The following PHKB variants were observed in gnomAD, a reference collection of about 807,000 sequenced individuals.
The protein encoded by PHKB is phosphorylase b kinase regulatory subunit beta.
In PHKB, 122 loss-of-function variants were observed where a neutral mutation model predicts 152.1. The ratio of observed to expected loss-of-function variants is 0.80; its 90% CI spans 0.69 to 0.93. The LOEUF (loss-of-function observed/expected upper bound fraction) is 0.93, where lower values mean the gene tolerates loss of function less well. Ranked by LOEUF, PHKB falls within the 40% of genes least tolerant of loss-of-function variation. The pLI is 0.00. For missense variants in PHKB, 1,304 were observed against 1,328.4 expected (o/e 0.98, Z 0.29); for synonymous variants, 436 against 464.9 (o/e 0.94, Z 0.80).
At chr16:47,664,817 T>C (rs1973508991) in intron 24 of PHKB, 68 bp from the exon 25 acceptor site, 2 of 950,048 alleles carry the variant, frequency 2.1e-6, no homozygotes, top group South Asian at 2.7e-5. Flanking sequence ...ACTGTTATGT[T>C]TGGAAGAACT....
intron 26 of PHKB, among the ~76,000 whole-genome samples, chr16:47,673,248 A>G (rs887289386): frequency 2.6e-5 from 4 of 152,076 alleles, no homozygotes; most frequent in African/African-American, 9.7e-5. Flanking sequence ...GAGATACTCA[A>G]TAAATATTGG....
chr16:47,588,675 T>C (rs1971975602), intron 9 of PHKB, among the ~76,000 whole-genome samples: 1 of 152,234 alleles, frequency 6.6e-6, no homozygotes, highest in African/African-American at 2.4e-5. Context: ...AATTAATATT[T>C]TGACATTTGA....
At chr16:47,579,946 C>G (rs1196577009) in intron 7 of PHKB, among the ~76,000 whole-genome samples, 2 of 152,084 alleles carry the variant, frequency 1.3e-5, no homozygotes, top group African/African-American at 4.8e-5. Flanking sequence ...TGATTTCCTG[C>G]TAATTACTGC....
chr16:47,498,791 A>C (rs1180272930), intron 2 of PHKB, among the ~76,000 whole-genome samples: 2 of 152,140 alleles, frequency 1.3e-5, no homozygotes, highest in South Asian at 4.1e-4. Flanking sequence ...AGACCCAGCT[A>C]CTTGGGAGTC....
At chr16:47,492,892 A>T (rs1206878662) in intron 1 of PHKB, among the ~76,000 whole-genome samples, 1 of 152,240 alleles carries the variant, frequency 6.6e-6, no homozygotes, top group Non-Finnish European at 1.5e-5. Flanking sequence ...TTCACCTAAA[A>T]ATGGGGTCCT....
intron 4 of PHKB, among the ~76,000 whole-genome samples, chr16:47,504,285 G>A (rs1412520247): frequency 2.0e-5 from 3 of 152,244 alleles, no homozygotes; most frequent in Admixed American, 2.0e-4. Context: ...TGTCAGGGAA[G>A]TTCAATAGAA....
rs1486370110 is a variant in PHKB at position 47,660,668 on chromosome 16, T to G, written c.2045T>G (p.Phe682Cys). The G allele has an allele frequency of 1.2e-6, 2 of 1,614,086 alleles. No individual in the cohort carries two copies. Among genetic ancestry groups the G allele is most frequent in the Admixed American group, 3.3e-5 (2 of 60,018 alleles). Reference protein sequence around the residue: ...RISDTEELPEFKSFEELEPPK... With the variant: ...RISDTEELPECKSFEELEPPK... ...CTTTTAATTTTTAGGCTTCCAGAAT[T>G]TAAGAGTTTTGAGGAACTAGAACCT... is the stretch of plus-strand genomic sequence containing the variant. Residue 682 changes from phenylalanine (F) to cysteine (C), a missense_variant, in exon 22 of 31, where the codon TTT (phenylalanine) becomes TGT (cysteine). Transcript: ENST00000323584.
At chr16:47,538,112 C>G (rs529581428) in intron 6 of PHKB, among the ~76,000 whole-genome samples, 3 of 152,028 alleles carry the variant, frequency 2.0e-5, no homozygotes, top group African/African-American at 7.2e-5. Flanking sequence ...CTAGGCTGGT[C>G]TTGAACTTCT....
At chr16:47,698,738 G>A (rs1456712508) in intron 30 of PHKB, 150 bp downstream of exon 30, 30 of 679,728 alleles carry the variant, frequency 4.4e-5, no homozygotes, top group Non-Finnish European at 6.2e-5. Context: ...TGCCTTTTTC[G>A]AGGAATTAAT....
chr16:47,526,189 A>C (rs1190357949), intron 6 of PHKB, among the ~76,000 whole-genome samples: 1 of 151,908 alleles, frequency 6.6e-6, no homozygotes, highest in African/African-American at 2.4e-5. Flanking sequence ...GCGGATGGAT[A>C]TCTGAGGTCA....
intron 1 of PHKB, among the ~76,000 whole-genome samples, chr16:47,485,026 A>T (rs1970026610): frequency 6.6e-6 from 1 of 152,206 alleles, no homozygotes; most frequent in South Asian, 2.1e-4. Flanking sequence ...ATACATATAT[A>T]GTTATTGTTG....
At chr16:47,638,569 A>G (rs1972961251) in intron 14 of PHKB, among the ~76,000 whole-genome samples, 1 of 152,204 alleles carries the variant, frequency 6.6e-6, no homozygotes, top group Non-Finnish European at 1.5e-5. Flanking sequence ...TATCCACAGT[A>G]TATCATGTCC....
At chr16:47,631,484 C>CT (rs748135553) in intron 14 of PHKB, among the ~76,000 whole-genome samples, 20 of 152,124 alleles carry the variant, frequency 1.3e-4, no homozygotes, top group Non-Finnish European at 2.2e-4. Context: ...TGAGATAACT[C>CT]TTTTTTTATT....
intron 26 of PHKB, among the ~76,000 whole-genome samples, chr16:47,683,182 G>T (rs903767117): frequency 4.6e-5 from 7 of 152,204 alleles, no homozygotes; most frequent in African/African-American, 1.2e-4. Flanking sequence ...CTACTGGGGG[G>T]TGCCTCCCAG....
rs143817349 is a variant in PHKB at position 47,507,193 on chromosome 16, T to C, written c.405+4103T>C. 7.5e-3 allele frequency among the ~76,000 whole-genome samples: 1,140 copies of C among 152,320 alleles called. 19 individuals carry two copies. The highest frequency in any genetic ancestry group is 0.026 in the African/African-American group (1,080 of 41,578). On this transcript the variant is annotated intron_variant, in intron 4 of 30. Coordinates refer to ENST00000323584, the MANE Select transcript of PHKB (RefSeq NM_000293.3). ...TTCTCCATGTTTCCCCAAGCTGGTC[T>C]TGAACTCCTGGGCTCAAGCAATCCT...
At chr16:47,662,075 C>T (rs745943566) in intron 23 of PHKB, among the ~76,000 whole-genome samples, 8 of 152,144 alleles carry the variant, frequency 5.3e-5, no homozygotes, top group African/African-American at 1.4e-4. Flanking sequence ...TGACTGTTAA[C>T]GTCTGATGAA....
At chr16:47,594,634 G>A (rs780556394) in intron 12 of PHKB, among the ~76,000 whole-genome samples, 1 of 152,058 alleles carries the variant, frequency 6.6e-6, no homozygotes, top group Non-Finnish European at 1.5e-5. Context: ...TTTTTTCTGG[G>A]GTCCTTAGCA....
At chr16:47,588,132 T>G (rs1971965472) in intron 9 of PHKB, among the ~76,000 whole-genome samples, 1 of 152,194 alleles carries the variant, frequency 6.6e-6, no homozygotes, top group African/African-American at 2.4e-5. Flanking sequence ...ATTTCTGTTC[T>G]CTCATTCAAT....
intron 6 of PHKB, among the ~76,000 whole-genome samples, chr16:47,531,725 ATG>A (rs1258764298): frequency 6.6e-6 from 1 of 152,200 alleles, no homozygotes; most frequent in Non-Finnish European, 1.5e-5. Flanking sequence ...TAGAAAACTC[ATG>A]TTACGTTTGT....
Sources: gnomAD v4.1 joint callset for allele counts (sites outside exome capture counted in the v4.1 genomes callset) on GRCh38, gnomAD v4.1.1 for gene constraint, MANE v1.5 for transcripts, NCBI Gene and HGNC (gene_info 2026-07-23, HGNC 2026-07-21) for gene names.